The following PIP5K1C variants were observed in gnomAD, a reference collection of about 807,000 sequenced individuals.
PIP5K1C encodes the protein phosphatidylinositol 4-phosphate 5-kinase type-1 gamma.
A neutral mutation model predicts 80.1 loss-of-function variants in PIP5K1C; 45 were observed. The ratio of observed to expected loss-of-function variants is 0.56; its 90% confidence interval spans 0.44 to 0.72. PIP5K1C has a LOEUF of 0.72. Among genes scored for constraint, PIP5K1C ranks in the 30% least tolerant of loss-of-function variants. The pLI is 0.00. For missense variants in PIP5K1C, 753 were observed against 954.6 expected (o/e 0.79, Z 2.78); for synonymous variants, 498 against 420.1 (o/e 1.19, Z -2.27).
intron 10 of PIP5K1C, 64 bp downstream of exon 10, chr19:3,647,274 G>A (rs943982264): frequency 2.8e-5 from 40 of 1,403,634 alleles, no homozygotes; most frequent in Non-Finnish European, 3.6e-5. Flanking sequence ...TGGGAGGAGG[G>A]TGCAGGCACT....
At chr19:3,674,475 C>T (rs2035299929) in intron 1 of PIP5K1C, among the ~76,000 whole-genome samples, 1 of 151,662 alleles carries the variant, frequency 6.6e-6, no homozygotes, top group East Asian at 1.9e-4. Context: ...GCCTCAGCCT[C>T]CCCCGAGTAG....
chr19:3,675,624 T>C (rs1327424524), intron 1 of PIP5K1C, among the ~76,000 whole-genome samples: 1 of 152,144 alleles, frequency 6.6e-6, no homozygotes, highest in Non-Finnish European at 1.5e-5. Context: ...CATGGTGACA[T>C]CAAACGGCCC....
chr19:3,639,220 C>T (rs921494802), intron 15 of PIP5K1C, among the ~76,000 whole-genome samples: 6 of 152,216 alleles, frequency 3.9e-5, no homozygotes, highest in Admixed American at 3.9e-4. Flanking sequence ...CATGCTGGCC[C>T]CAGGAGTGAC....
chr19:3,654,526 G>A (rs2887249), intron 6 of PIP5K1C, among the ~76,000 whole-genome samples: 84,176 of 152,122 alleles, frequency 0.55, 23,548 homozygotes, highest in East Asian at 0.7. Context: ...TTTTTAAAAA[G>A]TGGAAAGGGC....
chr19:3,690,879 A>T (rs2035926702), intron 1 of PIP5K1C, among the ~76,000 whole-genome samples: 1 of 152,158 alleles, frequency 6.6e-6, no homozygotes, highest in South Asian at 2.1e-4. Flanking sequence ...GTGCAAGGAA[A>T]ATGGGCCGGG....
chr19:3,687,879 G>A (rs935096481), intron 1 of PIP5K1C, among the ~76,000 whole-genome samples: 2 of 152,340 alleles, frequency 1.3e-5, no homozygotes, highest in Middle Eastern at 6.8e-3. Flanking sequence ...GCTCTGCGCA[G>A]GCGGGCGGAG....
At chr19:3,640,077 G>C (rs1317997228) in intron 15 of PIP5K1C, among the ~76,000 whole-genome samples, 1 of 152,154 alleles carries the variant, frequency 6.6e-6, no homozygotes, top group African/African-American at 2.4e-5. Context: ...TTTAGTTTTG[G>C]GTCTACGCTG....
intron 1 of PIP5K1C, among the ~76,000 whole-genome samples, chr19:3,686,805 AACT>A (rs1204825414): frequency 6.6e-6 from 1 of 152,170 alleles, no homozygotes; most frequent in Non-Finnish European, 1.5e-5. Context: ...AAAACTATAA[AACT>A]ACTTAAGAAA....
In PIP5K1C at chr19:3,692,395, G is replaced by A. The variant is rs1005807495; in HGVS notation, c.94+7902C>T. On this transcript the variant is annotated intron_variant, in intron 1 of 17. Coordinates refer to ENST00000335312, the MANE Select transcript of PIP5K1C (RefSeq NM_012398.3). This position sits in a 1 kb window ranked among gnomAD's most constrained non-coding sequence, Gnocchi z 5.2. ...CGCAGCTCGGCCATGCTGGGCCCCG[G>A]CGGCCCCCATGCTGCCCTTCCTGCA... 6.6e-6 allele frequency among the ~76,000 whole-genome samples: 1 copy of A among 152,306 alleles called. No homozygotes were observed. The highest frequency in any genetic ancestry group is 3.4e-3 in the Middle Eastern group (1 of 294).
chr19:3,665,188 G>A (rs941743638), intron 2 of PIP5K1C, among the ~76,000 whole-genome samples: 1 of 152,208 alleles, frequency 6.6e-6, no homozygotes, highest in Non-Finnish European at 1.5e-5. Flanking sequence ...AGGGCAAGAG[G>A]ATTGGGCAGC....
intron 1 of PIP5K1C, among the ~76,000 whole-genome samples, chr19:3,668,731 G>A (rs1276600084): frequency 6.6e-6 from 1 of 152,184 alleles, no homozygotes; most frequent in Non-Finnish European, 1.5e-5. Context: ...GGTGGGCGCA[G>A]GGCTGGGTGT....
chr19:3,660,627 T>C (rs1365988916), intron 5 of PIP5K1C, among the ~76,000 whole-genome samples: 1 of 151,904 alleles, frequency 6.6e-6, no homozygotes, highest in African/African-American at 2.4e-5. Flanking sequence ...TGAAAATGGG[T>C]CAGTCACTTT....
rs145617981 is a variant in PIP5K1C at position 3,667,452 on chromosome 19, G to C, written c.95-99C>G. The C allele has an allele frequency of 3.2e-4, 414 of 1,313,012 alleles. 1 individual carries two copies. The East Asian group carries it at 8.2e-3, about 26-fold the overall frequency. 81.3% of individuals were successfully genotyped at this position (1,313,012 alleles called of 1,614,324 possible). On this transcript the variant is annotated intron_variant, in intron 1 of 17. Coordinates refer to ENST00000335312, the MANE Select transcript of PIP5K1C (RefSeq NM_012398.3). ...CACCTTCTGGCGCCCCAGGCCTGGC[G>C]TGTGTAACTCCGCGTGGGGCTGGTC...
Position 3,652,052 on chromosome 19 carries a change from C to G in PIP5K1C, c.922-21G>C, listed in dbSNP as rs116422530. ...AGGACCTGGCGGGATCGGGCAGGAA[C>G]ACGCCACGCCGTCAGCCGTCTCTAT... On this transcript the variant is annotated intron_variant, in intron 7 of 17. Transcript: ENST00000335312. 845 of 1,610,916 alleles carry G rather than the reference C, an allele frequency of 5.2e-4. 5 individuals carry two copies. In the African/African-American group the frequency reaches 0.01, roughly 20 times the overall value.
chr19:3,684,376 C>T (rs2035686757), intron 1 of PIP5K1C, among the ~76,000 whole-genome samples: 1 of 152,216 alleles, frequency 6.6e-6, no homozygotes, highest in African/African-American at 2.4e-5. Flanking sequence ...GGGACAGGGC[C>T]GAATTCCTTC....
intron 1 of PIP5K1C, among the ~76,000 whole-genome samples, chr19:3,698,369 G>A (rs1469221847): frequency 6.6e-6 from 1 of 152,240 alleles, no homozygotes; most frequent in African/African-American, 2.4e-5. Context: ...AGCTGGGAGG[G>A]GGACATCGGC....
chr19:3,680,067 T>C (rs2035538328), intron 1 of PIP5K1C, among the ~76,000 whole-genome samples: 1 of 152,154 alleles, frequency 6.6e-6, no homozygotes, highest in African/African-American at 2.4e-5. Flanking sequence ...AGCCCCACAA[T>C]CAAGCCTGGA....
chr19:3,660,834 C>T, intron 5 of PIP5K1C, 132 bp downstream of exon 5: 2 of 725,482 alleles, frequency 2.8e-6, no homozygotes. Flanking sequence ...GAGACTCCGG[C>T]CCTGAACCTG....
At chr19:3,680,390 C>T (rs891713488) in intron 1 of PIP5K1C, among the ~76,000 whole-genome samples, 5 of 152,192 alleles carry the variant, frequency 3.3e-5, no homozygotes, top group Admixed American at 6.5e-5. Flanking sequence ...CTGCAACCTC[C>T]GCCTCCCAGG....
Sources: allele counts gnomAD v4.1 joint callset (sites outside exome capture counted in the v4.1 genomes callset), GRCh38; gene constraint gnomAD v4.1.1; non-coding constraint Gnocchi (gnomAD v3.1); transcripts MANE v1.5; gene names NCBI Gene and HGNC (gene_info 2026-07-23, HGNC 2026-07-21).